Variants in XKR6 observed in about 807,000 individuals in gnomAD.
XKR6 encodes the protein XK related 6.
A neutral mutation model predicts 56.7 loss-of-function variants in XKR6; 22 were observed. The ratio of observed to expected loss-of-function variants is 0.39; its 90% confidence interval spans 0.28 to 0.55. The LOEUF is 0.55. XKR6 is among the 20% of genes least tolerant of loss of function. XKR6 has a pLI of 0.66. For synonymous variants in XKR6, 524 were observed against 387.8 expected (o/e 1.35, Z -4.13); for missense variants, 852 against 889.0 (o/e 0.96, Z 0.53).
At position 11,200,854 on chromosome 8, in the gene XKR6, G is replaced by A. The variant is rs1162072783; in HGVS notation, c.486C>T (p.Phe162=). ...DYYRKGDYVY[F]GLTLFFVLVP... ...CCAGCACGAAGAAGAGGGTCAGCCC[G>A]AAGTAGACGTAGTCCCCCTTGCGGT... The change falls in exon 1 of 3, where the codon TTC becomes TTT. Residue 162 remains phenylalanine, a synonymous_variant. Transcript: ENST00000416569. The surrounding 1 kb of genome is among the most constrained non-coding windows in gnomAD (Gnocchi z 6.4). 10 of 1,611,848 alleles carry A rather than the reference G, an allele frequency of 6.2e-6. No individual in the cohort carries two copies. Among genetic ancestry groups the A allele is most frequent in the African/African-American group, 5.3e-5 (4 of 74,792 alleles).
chr8:11,095,498 G>C (rs1207870398), intron 1 of XKR6, among the ~76,000 whole-genome samples: 1 of 152,192 alleles, frequency 6.6e-6, no homozygotes, highest in Non-Finnish European at 1.5e-5. Flanking sequence ...AGGCACCAGT[G>C]CAATTTTGCA....
intron 1 of XKR6, among the ~76,000 whole-genome samples, chr8:10,977,581 A>G (rs1017327474): frequency 2.0e-5 from 3 of 150,342 alleles, no homozygotes; most frequent in African/African-American, 7.3e-5. Context: ...TTCAACAGCC[A>G]GGACAGCTGA....
At chr8:11,053,872 A>C (rs531722884) in intron 1 of XKR6, among the ~76,000 whole-genome samples, 2 of 152,172 alleles carry the variant, frequency 1.3e-5, no homozygotes, top group Non-Finnish European at 2.9e-5. Flanking sequence ...GTCTTTCCGC[A>C]CTCTAGAATT....
At chr8:11,082,983 C>G (rs1232868525) in intron 1 of XKR6, among the ~76,000 whole-genome samples, 1 of 152,206 alleles carries the variant, frequency 6.6e-6, no homozygotes, top group African/African-American at 2.4e-5. Context: ...TCCTCCCTGC[C>G]TCACCTTCCC....
At chr8:10,950,165 G>A (rs535583286) in intron 1 of XKR6, among the ~76,000 whole-genome samples, 1 of 152,288 alleles carries the variant, frequency 6.6e-6, no homozygotes, top group African/African-American at 2.4e-5. Flanking sequence ...CCCAACAGGT[G>A]GGGGTGGGAC....
chr8:11,032,933 A>T (rs79429395), intron 1 of XKR6, among the ~76,000 whole-genome samples: 1 of 152,314 alleles, frequency 6.6e-6, no homozygotes, highest in Non-Finnish European at 1.5e-5. Flanking sequence ...AGATAAAAAG[A>T]TGACAACGAT....
intron 2 of XKR6, among the ~76,000 whole-genome samples, chr8:10,912,000 T>G (rs539781613): frequency 2.3e-4 from 35 of 149,570 alleles, no homozygotes; most frequent in Admixed American, 2.7e-4. Flanking sequence ...AATATATATA[T>G]ATATAGAGAG....
intron 1 of XKR6, among the ~76,000 whole-genome samples, chr8:11,134,115 A>T (rs1800259238): frequency 6.6e-6 from 1 of 151,736 alleles, no homozygotes; most frequent in South Asian, 2.1e-4. Context: ...CATTTGGAGA[A>T]CTCTTACACT....
chr8:11,189,121 T>C (rs1475125220), intron 1 of XKR6, among the ~76,000 whole-genome samples: 1 of 152,176 alleles, frequency 6.6e-6, no homozygotes, highest in Non-Finnish European at 1.5e-5. Context: ...ATCTATTAGG[T>C]CATGTCTCCT....
chr8:11,153,372 T>C (rs1251200206), intron 1 of XKR6, among the ~76,000 whole-genome samples: 2 of 152,354 alleles, frequency 1.3e-5, no homozygotes, highest in East Asian at 3.9e-4. Context: ...TCTGAAAATG[T>C]GAGCAGTATC....
chr8:11,012,569 C>G (rs975929278), intron 1 of XKR6, among the ~76,000 whole-genome samples: 12 of 152,074 alleles, frequency 7.9e-5, no homozygotes, highest in African/African-American at 2.9e-4. Context: ...ATTTCCAGTA[C>G]CATGGGGGAG....
At chr8:11,105,303 AGGACATG>A (rs1446073772) in intron 1 of XKR6, 1 of 152,232 alleles carries the variant, frequency 6.6e-6, no homozygotes, top group Non-Finnish European at 1.5e-5. Flanking sequence ...ATTAGAGAAA[AGGACATG>A]AAGGTTTAAG....
At chr8:10,925,735 G>A (rs912801184) in intron 1 of XKR6, among the ~76,000 whole-genome samples, 3 of 152,174 alleles carry the variant, frequency 2.0e-5, no homozygotes, top group East Asian at 1.9e-4. Context: ...TGAGAGCATC[G>A]CAGGGTGCAT....
At chr8:11,172,618 C>A (rs1457007451) in intron 1 of XKR6, among the ~76,000 whole-genome samples, 1 of 152,214 alleles carries the variant, frequency 6.6e-6, no homozygotes, top group Non-Finnish European at 1.5e-5. Flanking sequence ...CTCCCAAATA[C>A]AACAGGTTTG....
chr8:11,079,414 A>T (rs1179239993), intron 1 of XKR6, among the ~76,000 whole-genome samples: 1 of 152,254 alleles, frequency 6.6e-6, no homozygotes, highest in African/African-American at 2.4e-5. Context: ...GGATAAAGCA[A>T]ATTGCAGAAC....
chr8:10,928,460 C>G (rs1430919604), intron 1 of XKR6, among the ~76,000 whole-genome samples: 1 of 152,264 alleles, frequency 6.6e-6, no homozygotes, highest in Non-Finnish European at 1.5e-5. Context: ...CCCCCCTAAA[C>G]CCCTGGGCCA....
chr8:10,972,563 A>G (rs575989899), intron 1 of XKR6, among the ~76,000 whole-genome samples: 2 of 152,354 alleles, frequency 1.3e-5, no homozygotes, highest in South Asian at 4.1e-4. Flanking sequence ...ATGAGCTACA[A>G]CATGGGTAGA....
At chr8:11,097,057 G>T (rs1798283947) in intron 1 of XKR6, among the ~76,000 whole-genome samples, 1 of 152,162 alleles carries the variant, frequency 6.6e-6, no homozygotes, top group East Asian at 1.9e-4. Flanking sequence ...ATGGAAGGTT[G>T]CCTAGAGTCA....
chr8:11,028,171 T>C (rs1010220082), intron 1 of XKR6, among the ~76,000 whole-genome samples: 7 of 152,234 alleles, frequency 4.6e-5, no homozygotes, highest in Non-Finnish European at 7.3e-5. Context: ...ACTCTCTTTA[T>C]AGTTTTGCCT....
Sources: allele counts gnomAD v4.1 joint callset (sites outside exome capture counted in the v4.1 genomes callset), GRCh38; gene constraint gnomAD v4.1.1; non-coding constraint Gnocchi (gnomAD v3.1); transcripts MANE v1.5; gene names NCBI Gene and HGNC (gene_info 2026-07-23, HGNC 2026-07-21).